DOCK9: variants seen among roughly 807,000 people sequenced by gnomAD.
DOCK9 encodes the protein dedicator of cytokinesis 9.
In DOCK9, 89 loss-of-function variants were observed where a neutral mutation model predicts 263.3. The observed-to-expected ratio is 0.34, with a 90% CI of 0.28 to 0.40. DOCK9 has a LOEUF of 0.40. Among genes scored for constraint, DOCK9 ranks in the 10% least tolerant of loss-of-function variants. DOCK9 has a pLI of 1.00. For missense variants in DOCK9, 2,140 were observed against 2,603.4 expected (o/e 0.82, Z 3.87); for synonymous variants, 976 against 973.1 (o/e 1.00, Z -0.06).
intron 2 of DOCK9, 42 bp from the exon 3 acceptor site, chr13:98,930,299 G>T (rs1265685244): frequency 6.5e-7 from 1 of 1,546,564 alleles, no homozygotes; most frequent in Non-Finnish European, 8.8e-7. Context: ...GTAAGTGAAG[G>T]AGGCAGGTGC....
chr13:99,027,119 A>C (rs1353087425), intron 1 of DOCK9, among the ~76,000 whole-genome samples: 1 of 152,130 alleles, frequency 6.6e-6, no homozygotes, highest in Admixed American at 6.5e-5. Context: ...TTCTGGGTTC[A>C]AGTGATTCTC....
chr13:98,810,060 C>T, intron 46 of DOCK9, 109 bp downstream of exon 46: 1 of 1,461,592 alleles, frequency 6.8e-7, no homozygotes, highest in Non-Finnish European at 9.4e-7. Flanking sequence ...GAGACCCCCA[C>T]TCATCTCTGG....
At chr13:98,960,469 C>T (rs1221119842) in intron 1 of DOCK9, among the ~76,000 whole-genome samples, 1 of 152,172 alleles carries the variant, frequency 6.6e-6, no homozygotes, top group East Asian at 1.9e-4. Context: ...TTCCCCGTCA[C>T]GTAGAGGCTC....
At chr13:99,066,126 T>C (rs1293302902) in intron 1 of DOCK9, among the ~76,000 whole-genome samples, 1 of 152,206 alleles carries the variant, frequency 6.6e-6, no homozygotes, top group African/African-American at 2.4e-5. Flanking sequence ...CTAACACAAG[T>C]GTACACATCT....
intron 44 of DOCK9, among the ~76,000 whole-genome samples, chr13:98,826,270 A>C (rs2140799482): frequency 6.6e-6 from 1 of 152,340 alleles, no homozygotes; most frequent in Non-Finnish European, 1.5e-5. Flanking sequence ...TTGAAGTGGA[A>C]ATGAGCACCT....
At chr13:98,923,480 C>T (rs1172292383) in intron 4 of DOCK9, 109 bp from the exon 5 acceptor site, 5 of 866,648 alleles carry the variant, frequency 5.8e-6, no homozygotes, top group Admixed American at 2.0e-5. Flanking sequence ...CAAAGATGGC[C>T]CAGCTTCTTT....
At position 99,031,869 on chromosome 13, in the gene DOCK9, T is replaced by C. The variant is rs148530448; in HGVS notation, c.129+54354A>G. Among the ~76,000 whole-genome samples, 831 of 152,338 alleles carry C rather than the reference T, an allele frequency of 5.5e-3. 21 individuals are homozygous for C. Among genetic ancestry groups the C allele is most frequent in the East Asian group, 0.039 (202 of 5,186 alleles). On this transcript the variant is annotated intron_variant, in intron 1 of 32. Transcript: ENST00000427887. Reference sequence around the variant, plus strand: ...TTCAAGGGCTGATGTCACAGCAGCCTGCTTAGGGCATTCCAAAACACACCT... The same window carrying C: ...TTCAAGGGCTGATGTCACAGCAGCCCGCTTAGGGCATTCCAAAACACACCT...
chr13:98,882,258 G>A (rs1168114980), intron 23 of DOCK9, among the ~76,000 whole-genome samples: 2 of 151,972 alleles, frequency 1.3e-5, no homozygotes, highest in Non-Finnish European at 2.9e-5. Flanking sequence ...CCATGGAATC[G>A]CAAAGGGCCA....
intron 1 of DOCK9, among the ~76,000 whole-genome samples, chr13:98,962,661 A>C (rs1338444238): frequency 6.6e-6 from 1 of 152,054 alleles, no homozygotes; most frequent in Admixed American, 6.6e-5. Context: ...AGAAAAAAAA[A>C]CTTTCCTTGA....
chr13:98,843,306 G>A (rs919445106), intron 38 of DOCK9, among the ~76,000 whole-genome samples: 2 of 151,958 alleles, frequency 1.3e-5, no homozygotes, highest in Middle Eastern at 3.2e-3. Flanking sequence ...AAAGACATAT[G>A]GCCATAAATT....
At chr13:99,062,689 C>T (rs1288875367) in intron 1 of DOCK9, among the ~76,000 whole-genome samples, 1 of 152,240 alleles carries the variant, frequency 6.6e-6, no homozygotes, top group Non-Finnish European at 1.5e-5. Flanking sequence ...AACAGGAAAA[C>T]TTGCTTTCCT....
rs1483289346 is a variant in DOCK9 at position 98,829,086 on chromosome 13, T to C, written c.4965+221A>G. 6.6e-6 allele frequency among the ~76,000 whole-genome samples: 1 copy of C among 152,240 alleles called. No individual in the cohort carries two copies. Among genetic ancestry groups the C allele is most frequent in the Non-Finnish European group, 1.5e-5 (1 of 68,038 alleles). Reference sequence around the variant, plus strand: ...TGAATAGGTTTAAGAGCTTAAACAATGCTCTTTGTTGACAAAAATAACCCC... The same window carrying C: ...TGAATAGGTTTAAGAGCTTAAACAACGCTCTTTGTTGACAAAAATAACCCC... On this transcript the variant is annotated intron_variant, in intron 43 of 52. Transcript: ENST00000682017. The surrounding 1 kb of genome is among the most constrained non-coding windows in gnomAD (Gnocchi z 4.1).
chr13:98,984,984 A>G (rs1878100467), intron 1 of DOCK9, among the ~76,000 whole-genome samples: 1 of 151,448 alleles, frequency 6.6e-6, no homozygotes, highest in Admixed American at 6.6e-5. Context: ...CTCATTTCCA[A>G]CAGAGCAGGG....
At chr13:98,801,357 G>A (rs2090088171) in intron 49 of DOCK9, among the ~76,000 whole-genome samples, 1 of 152,090 alleles carries the variant, frequency 6.6e-6, no homozygotes, top group Admixed American at 6.5e-5. Flanking sequence ...CTAAGCAAAG[G>A]ATTTCATGAA....
At chr13:99,023,995 A>G (rs188230408) in intron 1 of DOCK9, among the ~76,000 whole-genome samples, 155 of 152,346 alleles carry the variant, frequency 1.0e-3, no homozygotes, top group Non-Finnish European at 1.7e-3. Flanking sequence ...CACAGGTCCA[A>G]CTGACCCCTC....
intron 1 of DOCK9, among the ~76,000 whole-genome samples, chr13:98,964,639 A>C (rs1441084002): frequency 6.6e-6 from 1 of 152,206 alleles, no homozygotes; most frequent in African/African-American, 2.4e-5. Flanking sequence ...CTTCATGCTA[A>C]ATTCTCCCTG....
At chr13:98,968,100 C>T (rs1470156580) in intron 1 of DOCK9, among the ~76,000 whole-genome samples, 1 of 152,170 alleles carries the variant, frequency 6.6e-6, no homozygotes, top group Non-Finnish European at 1.5e-5. Context: ...CTACTAGCCA[C>T]AGGTGACTAC....
intron 9 of DOCK9, among the ~76,000 whole-genome samples, chr13:98,913,290 T>C (rs1258981389): frequency 1.3e-5 from 2 of 152,096 alleles, no homozygotes; most frequent in Non-Finnish European, 2.9e-5. Context: ...CAAAAAAGAA[T>C]AGAAGGGCAG....
chr13:98,909,966 T>G (rs1312645356), intron 9 of DOCK9, among the ~76,000 whole-genome samples: 1 of 152,208 alleles, frequency 6.6e-6, no homozygotes, highest in Non-Finnish European at 1.5e-5. Flanking sequence ...GGTAAAAGGA[T>G]GTGAGCAATT....
Sources: allele counts gnomAD v4.1 joint callset (sites outside exome capture counted in the v4.1 genomes callset), GRCh38; gene constraint gnomAD v4.1.1; non-coding constraint Gnocchi (gnomAD v3.1); transcripts MANE v1.5; gene names NCBI Gene and HGNC (gene_info 2026-07-23, HGNC 2026-07-21).